Variants in LPO observed in about 807,000 individuals in gnomAD.
LPO encodes the protein salivary peroxidase.
A neutral mutation model predicts 68.4 loss-of-function variants in LPO; 70 were observed. The ratio of observed to expected loss-of-function variants is 1.02; its 90% CI spans 0.84 to 1.25. The LOEUF (loss-of-function observed/expected upper bound fraction) is 1.25. Among genes scored for constraint, LPO ranks in the 50% most tolerant of loss-of-function variants. LPO has a pLI of 0.00. For missense variants in LPO, 873 were observed against 908.4 expected (o/e 0.96, Z 0.50); for synonymous variants, 360 against 357.6 (o/e 1.01, Z -0.08).
At chr17:58,257,090 C>T (rs1202390426) in intron 9 of LPO, among the ~76,000 whole-genome samples, 1 of 148,916 alleles carries the variant, frequency 6.7e-6, no homozygotes, top group Non-Finnish European at 1.5e-5. Context: ...CCTGCCACCA[C>T]GTCCTGCTGA....
chr17:58,254,280 C>T (rs765265759), intron 8 of LPO, among the ~76,000 whole-genome samples: 10 of 152,146 alleles, frequency 6.6e-5, no homozygotes, highest in Non-Finnish European at 1.2e-4. Context: ...GTTCCCCCAT[C>T]GTTACTCCTC....
At position 58,252,577 on chromosome 17, in the gene LPO, C is replaced by T. The variant is rs542971000; in HGVS notation, c.1105+71C>T. 4.2e-6 allele frequency: 6 copies of T among 1,439,184 alleles called. No homozygotes were observed. The South Asian group carries it at 5.3e-5, about 13-fold the overall frequency. 89.2% of individuals were successfully genotyped at this position (1,439,184 alleles called of 1,614,324 possible). A position where few individuals can be genotyped will look rare whatever the true frequency, so the allele number is the denominator to read the frequency against. The stretch of plus-strand genomic sequence containing the variant: ...TCCAGGGAAGCTTTACCACTGCCCC[C>T]TTCTTGTCATCTTTCTGGAAAAATG... On this transcript the variant is annotated intron_variant, in intron 8 of 12. Transcript: ENST00000262290.
At chr17:58,248,179 G>A (rs909780165) in intron 4 of LPO, among the ~76,000 whole-genome samples, 9 of 152,136 alleles carry the variant, frequency 5.9e-5, no homozygotes, top group Admixed American at 2.0e-4. Context: ...AAATGCCACA[G>A]CCCACAGAGG....
chr17:58,252,122 G>A, intron 7 of LPO, 60 bp from the exon 8 acceptor site: 2 of 1,519,692 alleles, frequency 1.3e-6, no homozygotes, highest in South Asian at 2.4e-5. Context: ...CCTGGGGAGA[G>A]GTTGCCAGGA....
At position 58,252,406 on chromosome 17, in the gene LPO, G is replaced by A. The variant is rs1002033605; in HGVS notation, c.1005G>A (p.Glu335=). ...TGGGCCTCATGGCTGTCAACCAGGA[G>A]GTCTCAGACCATGGACTACCCTACC... ...SPLGLMAVNQ[E]VSDHGLPYLP... The change falls in exon 8 of 13, where the codon GAG becomes GAA. Residue 335 remains glutamate (E), a synonymous_variant. Transcript: ENST00000262290. 2 of 1,614,160 alleles carry A rather than the reference G, an allele frequency of 1.2e-6. No homozygotes were observed. The highest frequency in any genetic ancestry group is 2.7e-5 in the African/African-American group (2 of 75,034).
At chr17:58,249,765 G>A (rs1969923107) in intron 6 of LPO, 70 bp downstream of exon 6, 2 of 1,486,312 alleles carry the variant, frequency 1.3e-6, no homozygotes, top group South Asian at 1.3e-5. Flanking sequence ...CAAACACGCA[G>A]TGAAAGGAGG....
chr17:58,262,169 T>G (rs371880384), intron 9 of LPO, among the ~76,000 whole-genome samples: 1 of 152,354 alleles, frequency 6.6e-6, no homozygotes, highest in East Asian at 1.9e-4. Context: ...GAGAGTTTCC[T>G]TTAGCCATTG....
rs938156160 is a variant in LPO at position 58,242,976 on chromosome 17, A to C, written c.-2-2A>C. 4 of 1,613,618 alleles carry C rather than the reference A, an allele frequency of 2.5e-6. No individual in the cohort carries two copies. Among genetic ancestry groups the C allele is most frequent in the Non-Finnish European group, 3.4e-6 (4 of 1,179,790 alleles). Reference sequence around the variant, plus strand: ...ACAGTGTGATCCTGCATCTCGTTTCAGTGATGAGGGTCCTTCTCCATCTCC... The same window carrying C: ...ACAGTGTGATCCTGCATCTCGTTTCCGTGATGAGGGTCCTTCTCCATCTCC... On this transcript the variant is annotated splice_acceptor_variant, in intron 1 of 12. Coordinates refer to ENST00000262290, the MANE Select transcript of LPO (RefSeq NM_006151.3). LOFTEE classifies it low-confidence loss of function (5UTR_SPLICE).
Position 58,249,112 on chromosome 17 carries a change from T to C in LPO, c.378T>C (p.Pro126=). 6.2e-7 allele frequency: 1 copy of C among 1,614,204 alleles called. No homozygotes were observed. The highest frequency in any genetic ancestry group is 1.1e-5 in the South Asian group (1 of 91,086). Reference sequence around the variant, plus strand: ...CTCTGGAGGTGGGCTGTGGTGCTCCTGCTCCCGTGGTGAGATGCGACCCGT... The same window carrying C: ...CTCTGGAGGTGGGCTGTGGTGCTCCCGCTCCCGTGGTGAGATGCGACCCGT... The part of the protein sequence containing the change: ...SLSLEVGCGA[P]APVVRCDPCS... Residue 126 remains proline, a synonymous_variant, in exon 5 of 13, where the codon CCT becomes CCC. Coordinates refer to ENST00000262290, the MANE Select transcript of LPO (RefSeq NM_006151.3).
rs568482953 is a variant in LPO, at chr17:58,256,101, C to T, written c.1266+1130C>T. Among the ~76,000 whole-genome samples, 6 of 152,280 alleles carry T rather than the reference C, an allele frequency of 3.9e-5. No homozygotes were observed. The South Asian group carries it at 1.2e-3, about 32-fold the overall frequency. On this transcript the variant is annotated intron_variant, in intron 9 of 12. Coordinates refer to ENST00000262290, the MANE Select transcript of LPO (RefSeq NM_006151.3). ...ATGTTATATACATGGAATTATGCAA[C>T]ATGTATCCGAGATGGGCTTTTTTCA...
At chr17:58,267,752 C>T in intron 12 of LPO, 35 bp from the exon 13 acceptor site, 5 of 1,595,786 alleles carry the variant, frequency 3.1e-6, no homozygotes, top group Non-Finnish European at 4.3e-6. Flanking sequence ...GGCCAGCGGC[C>T]AGACTGTGGA....
intron 9 of LPO, among the ~76,000 whole-genome samples, chr17:58,257,609 C>A (rs996832148): frequency 6.6e-6 from 1 of 152,138 alleles, no homozygotes; most frequent in African/African-American, 2.4e-5. Flanking sequence ...TGTAAGAGTG[C>A]GGATATCTCT....
Position 58,266,215 on chromosome 17 carries a change from A to C in LPO, c.1582A>C (p.Lys528Gln). The change falls in exon 11 of 13, where the codon AAA (lysine) becomes CAA (glutamine). Residue 528 changes from lysine to glutamine, a missense_variant. By Grantham distance (53) the Lys-to-Gln change is moderately conservative. Coordinates refer to ENST00000262290, the MANE Select transcript of LPO (RefSeq NM_006151.3). Reference sequence around the variant, plus strand: ...GAAATCCAAGCTGATGAAACAGAATAAAATGATGACTGGAGAGCTGCGCAA... The same window carrying C: ...GAAATCCAAGCTGATGAAACAGAATCAAATGATGACTGGAGAGCTGCGCAA... ...AKKSKLMKQN[K>Q]MMTGELRNKL... 1 of 1,614,176 alleles carries C rather than the reference A, an allele frequency of 6.2e-7. No homozygotes were observed. The highest frequency in any genetic ancestry group is 1.1e-5 in the South Asian group (1 of 91,088).
chr17:58,264,028 C>G (rs1189753937), intron 9 of LPO, among the ~76,000 whole-genome samples: 1 of 152,020 alleles, frequency 6.6e-6, no homozygotes, highest in Non-Finnish European at 1.5e-5. Flanking sequence ...GGGTTAAGAG[C>G]AAAGAGACAC....
In LPO at chr17:58,252,168, C is replaced by A; in HGVS notation, c.781-14C>A. The A allele has an allele frequency of 1.9e-6, 3 of 1,611,256 alleles. No homozygotes were observed. In the South Asian group the frequency reaches 3.3e-5, roughly 18 times the overall value. ...CCACCCCTGCCCAGTCACTTATGCCCACTCTCTCTGCAGTTCCCACCCAAT... is the reference window on the plus strand; with the variant it reads ...CCACCCCTGCCCAGTCACTTATGCCAACTCTCTCTGCAGTTCCCACCCAAT... On this transcript the variant is annotated splice_polypyrimidine_tract_variant and intron_variant, in intron 7 of 12. Transcript: ENST00000262290.
chr17:58,246,673 G>A (rs1035355930), intron 3 of LPO, among the ~76,000 whole-genome samples: 1 of 152,188 alleles, frequency 6.6e-6, no homozygotes, highest in East Asian at 1.9e-4. Context: ...CTTTGTTCAC[G>A]GTGTGAGGTG....
intron 9 of LPO, among the ~76,000 whole-genome samples, chr17:58,257,224 G>C (rs1308112286): frequency 4.0e-5 from 6 of 151,862 alleles, no homozygotes; most frequent in Non-Finnish European, 8.8e-5. Flanking sequence ...ATGAGCCACC[G>C]CGCCTGGCCA....
chr17:58,256,576 G>A (rs1970076152), intron 9 of LPO, among the ~76,000 whole-genome samples: 1 of 152,024 alleles, frequency 6.6e-6, no homozygotes, highest in Admixed American at 6.6e-5. Context: ...AGCACTTTGG[G>A]AGGCTGAGGT....
intron 3 of LPO, among the ~76,000 whole-genome samples, chr17:58,244,736 G>A (rs1046426796): frequency 6.6e-5 from 10 of 152,194 alleles, no homozygotes; most frequent in Admixed American, 2.6e-4. Flanking sequence ...CACACCTGTG[G>A]AATTCCCGGG....
Sources: allele counts gnomAD v4.1 joint callset (sites outside exome capture counted in the v4.1 genomes callset), GRCh38; gene constraint gnomAD v4.1.1; transcripts MANE v1.5; gene names NCBI Gene and HGNC (gene_info 2026-07-23, HGNC 2026-07-21).